Variants in PSD3 observed in about 807,000 individuals in gnomAD.
PSD3 encodes the protein pleckstrin and Sec7 domain containing 3.
In PSD3, 49 loss-of-function variants were observed where a neutral mutation model predicts 105.5. The ratio of observed to expected loss-of-function variants is 0.46; its 90% CI spans 0.37 to 0.59. The LOEUF (loss-of-function observed/expected upper bound fraction) is 0.59. Ranked by LOEUF, PSD3 falls within the 20% of genes least tolerant of loss-of-function variation. PSD3 has a pLI of 0.00. For synonymous variants in PSD3, 557 were observed against 457.8 expected (o/e 1.22, Z -2.77); for missense variants, 1,561 against 1,263.8 (o/e 1.24, Z -3.57).
At chr8:18,973,440 C>T (rs1314618023) in intron 1 of PSD3, among the ~76,000 whole-genome samples, 3 of 152,308 alleles carry the variant, frequency 2.0e-5, no homozygotes, top group Non-Finnish European at 4.4e-5. Context: ...GAGACAGCCA[C>T]CTTCTTGCTC....
At chr8:18,694,611 G>GA (rs61475829) in intron 9 of PSD3, among the ~76,000 whole-genome samples, 18 of 140,968 alleles carry the variant, frequency 1.3e-4, no homozygotes, top group Admixed American at 2.8e-4. Flanking sequence ...CTGCATCTCC[G>GA]AAAAAAAAAA....
At chr8:18,965,978 C>T (rs1824219329) in intron 1 of PSD3, among the ~76,000 whole-genome samples, 1 of 152,188 alleles carries the variant, frequency 6.6e-6, no homozygotes, top group Non-Finnish European at 1.5e-5. Flanking sequence ...TCTCATTAAT[C>T]CTCACAACAC....
intron 9 of PSD3, among the ~76,000 whole-genome samples, chr8:18,709,524 C>T (rs1802115346): frequency 1.3e-5 from 2 of 152,238 alleles, no homozygotes; most frequent in Admixed American, 1.3e-4. Context: ...GGTCCCTGAT[C>T]CTGTGCCCCC....
At chr8:18,536,000 T>C in intron 15 of PSD3, 42 bp from the exon 16 acceptor site, 1 of 1,568,992 alleles carries the variant, frequency 6.4e-7, no homozygotes, top group South Asian at 1.1e-5. Flanking sequence ...AGAAAACTGT[T>C]CAAAATGCAC....
chr8:18,860,949 G>A (rs17127349), intron 4 of PSD3, among the ~76,000 whole-genome samples: 59 of 151,936 alleles, frequency 3.9e-4, no homozygotes, highest in Non-Finnish European at 7.7e-4. Context: ...AACAGGCGCC[G>A]CACCATGCTC....
At chr8:18,845,812 A>G (rs1202145175) in intron 4 of PSD3, among the ~76,000 whole-genome samples, 1 of 152,218 alleles carries the variant, frequency 6.6e-6, no homozygotes, top group African/African-American at 2.4e-5. Flanking sequence ...AGGGAACTCA[A>G]ACTGGTCACT....
chr8:18,562,186 A>G (rs979904691), intron 14 of PSD3, among the ~76,000 whole-genome samples: 2 of 152,192 alleles, frequency 1.3e-5, no homozygotes, highest in Non-Finnish European at 1.5e-5. Context: ...AGAAGAGGGA[A>G]CAGCCACAGT....
chr8:18,646,590 TACA>T (rs1369249406), intron 10 of PSD3, among the ~76,000 whole-genome samples: 2 of 151,880 alleles, frequency 1.3e-5, no homozygotes, highest in Non-Finnish European at 2.9e-5. Flanking sequence ...AATGAAGCAC[TACA>T]ACAAAAAAAA....
intron 10 of PSD3, among the ~76,000 whole-genome samples, chr8:18,640,231 T>C (rs1016772501): frequency 6.6e-6 from 1 of 152,136 alleles, no homozygotes; most frequent in African/African-American, 2.4e-5. Context: ...AATGGAAACC[T>C]ATGCTGCTAA....
At chr8:18,707,763 A>C (rs1475456546) in intron 9 of PSD3, among the ~76,000 whole-genome samples, 2 of 152,204 alleles carry the variant, frequency 1.3e-5, no homozygotes, top group Non-Finnish European at 2.9e-5. Flanking sequence ...AAATTCTTAT[A>C]CTTCTTCCCC....
chr8:18,546,253 T>C (rs1800445090), intron 15 of PSD3, among the ~76,000 whole-genome samples: 1 of 152,178 alleles, frequency 6.6e-6, no homozygotes, highest in Admixed American at 6.5e-5. Context: ...TGTCTCAGCC[T>C]CCCAAAGTGC....
At chr8:18,844,355 G>T (rs1421107699) in intron 4 of PSD3, among the ~76,000 whole-genome samples, 2 of 152,042 alleles carry the variant, frequency 1.3e-5, no homozygotes, top group African/African-American at 2.4e-5. Flanking sequence ...AATAATTTAA[G>T]ATAGACACTT....
At chr8:18,910,875 A>G (rs1341008893) in intron 2 of PSD3, among the ~76,000 whole-genome samples, 1 of 151,698 alleles carries the variant, frequency 6.6e-6, no homozygotes, top group East Asian at 1.9e-4. Flanking sequence ...AACAAACAGA[A>G]GTTCAAGGCC....
chr8:18,562,870 CAG>C (rs1033066440), intron 14 of PSD3, among the ~76,000 whole-genome samples: 1 of 151,698 alleles, frequency 6.6e-6, no homozygotes, highest in African/African-American at 2.4e-5. Flanking sequence ...GCCTGGGCGA[CAG>C]AGTGAGACTC....
At chr8:18,829,674 T>C (rs1813520798) in intron 4 of PSD3, among the ~76,000 whole-genome samples, 1 of 152,186 alleles carries the variant, frequency 6.6e-6, no homozygotes. Context: ...GATGTCTCTA[T>C]GAAGCCTGCG....
intron 12 of PSD3, among the ~76,000 whole-genome samples, chr8:18,576,261 T>C (rs1298769552): frequency 6.6e-6 from 1 of 152,170 alleles, no homozygotes; most frequent in Non-Finnish European, 1.5e-5. Flanking sequence ...GCAAAGGTTT[T>C]CCCTCTACAA....
chr8:18,821,717 A>ACACACACACACACACACC lies in PSD3; in HGVS notation c.1635-16820_1635-16819insGGTGTGTGTGTGTGTGTG, dbSNP rs1554513425. Among the ~76,000 whole-genome samples, 288 of 141,182 alleles carry ACACACACACACACACACC rather than the reference A, an allele frequency of 2.0e-3. 2 individuals carry two copies. Among genetic ancestry groups the ACACACACACACACACACC allele is most frequent in the Non-Finnish European group, 2.7e-3 (176 of 65,790 alleles). The allele number at this position is 141,182 out of a possible 152,430, so 92.6% of individuals were successfully genotyped here. On this transcript the variant is annotated intron_variant, in intron 4 of 15. Coordinates refer to ENST00000327040, the MANE Select transcript of PSD3 (RefSeq NM_015310.4). ...CACACACACACACACACACACACAC[A>ACACACACACACACACACC]CCCCAATAACAAAGCTCCAATTCCA...
intron 8 of PSD3, among the ~76,000 whole-genome samples, chr8:18,780,559 TA>T (rs201064139): frequency 0.021 from 3,246 of 152,080 alleles, 155 homozygotes; most frequent in East Asian, 0.14. Context: ...TTTATTTATT[TA>T]TTTTTTTGTG....
intron 9 of PSD3, among the ~76,000 whole-genome samples, chr8:18,737,138 G>A (rs1255455430): frequency 6.6e-6 from 1 of 152,154 alleles, no homozygotes; most frequent in Non-Finnish European, 1.5e-5. Flanking sequence ...AACTTTCTGG[G>A]GATAGAGGCT....
Sources: gnomAD v4.1 joint callset for allele counts (sites outside exome capture counted in the v4.1 genomes callset) on GRCh38, gnomAD v4.1.1 for gene constraint, MANE v1.5 for transcripts, NCBI Gene and HGNC (gene_info 2026-07-23, HGNC 2026-07-21) for gene names.